Variants in MRPL21 observed in about 807,000 individuals in gnomAD.
MRPL21 encodes the protein mitochondrial ribosomal protein L21, also known as large ribosomal subunit protein bL21m.
A neutral mutation model predicts 27.3 loss-of-function variants in MRPL21; 20 were observed. The ratio of observed to expected loss-of-function variants is 0.73; its 90% confidence interval spans 0.52 to 1.06. MRPL21 has a LOEUF of 1.06. MRPL21 is among the 50% of genes least tolerant of loss of function. The pLI, the probability that MRPL21 is intolerant of heterozygous loss-of-function variation, is 0.00. For missense variants in MRPL21, 249 were observed against 251.4 expected (o/e 0.99, Z 0.06); for synonymous variants, 98 against 101.5 (o/e 0.97, Z 0.21).
chr11:68,902,709 T>C (rs751641028), intron 1 of MRPL21, among the ~76,000 whole-genome samples: 2 of 152,240 alleles, frequency 1.3e-5, no homozygotes, highest in African/African-American at 2.4e-5. Context: ...GTACATTCTA[T>C]GGATTTGGAC....
chr11:68,903,740 G>T lies in MRPL21; in HGVS notation c.71C>A (p.Pro24His). The T allele has an allele frequency of 6.2e-7, 1 of 1,613,310 alleles. No homozygotes were observed. The highest frequency in any genetic ancestry group is 8.5e-7 in the Non-Finnish European group (1 of 1,180,034). ...GGTCTCACCTGCTCCGGGCCCCGAA[G>T]GTCTCAGGATGCTGTGGCTGCACGC... ...ASACSHSILR[P>H]SGPGAASLWS... The change falls in exon 1 of 7, where the codon CCT becomes CAT. Residue 24 changes from proline (P) to histidine (H), a missense_variant. Physicochemically the swap from Pro to His is moderately conservative, Grantham distance 77 (BLOSUM62 -2). Transcript: ENST00000362034.
chr11:68,900,905 C>A (rs114580988), intron 1 of MRPL21, among the ~76,000 whole-genome samples: 173 of 152,354 alleles, frequency 1.1e-3, no homozygotes, highest in African/African-American at 4.1e-3. Context: ...TGTGCCCAAG[C>A]GTGGGAGCAG....
At chr11:68,900,053 C>A (rs187813428) in intron 2 of MRPL21, among the ~76,000 whole-genome samples, 145 of 152,312 alleles carry the variant, frequency 9.5e-4, no homozygotes, top group Non-Finnish European at 7.3e-5. Flanking sequence ...GTGAGTGGAA[C>A]TTTGTCGAAT....
Position 68,898,023 on chromosome 11 carries a change from C to T in MRPL21, c.147-11G>A, listed in dbSNP as rs2154005844. 2 of 1,608,878 alleles carry T rather than the reference C, an allele frequency of 1.2e-6. No homozygotes were observed. The highest frequency in any genetic ancestry group is 1.7e-6 in the Non-Finnish European group (2 of 1,175,252). On this transcript the variant is annotated splice_polypyrimidine_tract_variant and intron_variant, in intron 2 of 6. Transcript: ENST00000362034. ...GTTTTAGGAACATATCTGTAAAACA[C>T]ATTTCGTAGACAAATGTCACAAGCA...
intron 3 of MRPL21, 158 bp from the exon 4 acceptor site, chr11:68,896,836 C>T: frequency 2.4e-6 from 2 of 843,538 alleles, no homozygotes; most frequent in South Asian, 3.3e-5. Flanking sequence ...CCTGCTCCAC[C>T]CCCTGCAGGC....
intron 4 of MRPL21, among the ~76,000 whole-genome samples, chr11:68,895,290 A>G (rs1307834636): frequency 1.3e-5 from 2 of 152,080 alleles, no homozygotes; most frequent in East Asian, 3.9e-4. Flanking sequence ...AAAAAAGAGT[A>G]GGCAAAAATC....
intron 3 of MRPL21, 174 bp downstream of exon 3, chr11:68,897,753 T>A (rs961440788): frequency 3.3e-6 from 2 of 598,914 alleles, no homozygotes; most frequent in East Asian, 2.8e-5. Context: ...ATGAAAAACA[T>A]CTGAAATTCT....
At chr11:68,901,482 A>G (rs1387278551) in intron 1 of MRPL21, among the ~76,000 whole-genome samples, 1 of 152,230 alleles carries the variant, frequency 6.6e-6, no homozygotes, top group East Asian at 1.9e-4. Flanking sequence ...AAAAGCAGAG[A>G]ACAGTTTCTC....
chr11:68,896,526 G>C lies in MRPL21; in HGVS notation c.385C>G (p.Arg129Gly). The stretch of plus-strand genomic sequence containing the variant: ...CTCGGTGGTCTCACCTTCTCCAGTC[G>C]AATTCTCTCTCCACACGCAAGGTCT... The part of the protein sequence containing the change: ...ELDLACGERI[R>G]LEKVLLVGAD... The change falls in exon 4 of 7, where the codon CGA (arginine) becomes GGA (glycine). Residue 129 changes from arginine (R) to glycine (G), a missense_variant. By Grantham distance (125) the Arg-to-Gly change is moderately radical. Coordinates refer to ENST00000362034, the MANE Select transcript of MRPL21 (RefSeq NM_181514.2). 2 of 1,614,014 alleles carry C rather than the reference G, an allele frequency of 1.2e-6. No homozygotes were observed. The highest frequency in any genetic ancestry group is 1.7e-6 in the Non-Finnish European group (2 of 1,179,978).
At chr11:68,897,839 G>T in intron 3 of MRPL21, 88 bp downstream of exon 3, 1 of 973,814 alleles carries the variant, frequency 1.0e-6, no homozygotes, top group Non-Finnish European at 1.6e-6. Flanking sequence ...ATGAAGCCTC[G>T]TTCTGTGGCC....
chr11:68,895,821 C>T (rs1857772794), intron 4 of MRPL21, among the ~76,000 whole-genome samples: 1 of 152,066 alleles, frequency 6.6e-6, no homozygotes, highest in Non-Finnish European at 1.5e-5. Flanking sequence ...ATGTGTGTGC[C>T]ACCATGCCCA....
At position 68,896,555 on chromosome 11, in the gene MRPL21, T is replaced by A; in HGVS notation, c.356A>T (p.Glu119Val). Residue 119 changes from glutamate to valine, a missense_variant, in exon 4 of 7, where the codon GAA (glutamate) becomes GTA (valine). Glu to Val is a moderately radical substitution (Grantham distance 121). Transcript: ENST00000362034. ...TSEDLILIGN[E>V]LDLACGERIR... ...TCTCTCTCCACACGCAAGGTCTAGT[T>A]CATTTCCAATTAAGATCAGGTCTTC... 1 of 1,614,238 alleles carries A rather than the reference T, an allele frequency of 6.2e-7. No individual in the cohort carries two copies. Among genetic ancestry groups the A allele is most frequent in the South Asian group, 1.1e-5 (1 of 91,088 alleles).
chr11:68,895,068 C>T (rs1446417295), intron 4 of MRPL21, among the ~76,000 whole-genome samples: 1 of 152,106 alleles, frequency 6.6e-6, no homozygotes, highest in African/African-American at 2.4e-5. Flanking sequence ...AGTTCAAGAC[C>T]AGCCTGACCA....
At chr11:68,891,915 C>T in intron 6 of MRPL21, 1 of 522,512 alleles carries the variant, frequency 1.9e-6, no homozygotes, top group Non-Finnish European at 3.2e-6. Context: ...CCGTGGGTGC[C>T]ATCCCTCAGG....
intron 1 of MRPL21, among the ~76,000 whole-genome samples, chr11:68,902,747 T>C (rs1345628503): frequency 1.3e-5 from 2 of 152,248 alleles, no homozygotes; most frequent in Non-Finnish European, 2.9e-5. Context: ...TATCTACCAT[T>C]ATATCATACA....
At chr11:68,897,828 C>A in intron 3 of MRPL21, 99 bp downstream of exon 3, 4 of 859,380 alleles carry the variant, frequency 4.7e-6, no homozygotes, top group Non-Finnish European at 7.8e-6. Flanking sequence ...CATCTGGAAA[C>A]ATGAAGCCTC....
At chr11:68,896,089 G>A (rs1857779786) in intron 4 of MRPL21, among the ~76,000 whole-genome samples, 2 of 152,346 alleles carry the variant, frequency 1.3e-5, no homozygotes, top group South Asian at 2.1e-4. Flanking sequence ...TAATGACAGA[G>A]TACTGTCTTA....
chr11:68,903,612 A>T, intron 1 of MRPL21, 111 bp downstream of exon 1: 1 of 1,130,294 alleles, frequency 8.8e-7, no homozygotes, highest in Non-Finnish European at 1.3e-6. Context: ...ATTCACCACA[A>T]ATGCGATCAA....
At chr11:68,902,801 T>A (rs1178740715) in intron 1 of MRPL21, among the ~76,000 whole-genome samples, 1 of 152,164 alleles carries the variant, frequency 6.6e-6, no homozygotes, top group Non-Finnish European at 1.5e-5. Context: ...TCCACCTATT[T>A]ATCCTTTTCT....
Sources: gnomAD v4.1 joint callset for allele counts (sites outside exome capture counted in the v4.1 genomes callset) on GRCh38, gnomAD v4.1.1 for gene constraint, MANE v1.5 for transcripts, NCBI Gene and HGNC (gene_info 2026-07-23, HGNC 2026-07-21) for gene names.